CNTNAP2: variants seen among roughly 807,000 people sequenced by gnomAD.
CNTNAP2 encodes the protein contactin-associated protein-like 2.
In CNTNAP2, 98 loss-of-function variants were observed where a neutral mutation model predicts 155.2. The observed-to-expected ratio is 0.63, with a 90% CI of 0.54 to 0.75. The LOEUF (loss-of-function observed/expected upper bound fraction) is 0.75. CNTNAP2 is among the 30% of genes least tolerant of loss of function. CNTNAP2 has a pLI of 0.00. For synonymous variants in CNTNAP2, 651 were observed against 631.2 expected (o/e 1.03, Z -0.47); for missense variants, 1,727 against 1,688.1 (o/e 1.02, Z -0.40).
At chr7:147,623,819 C>T (rs1205018593) in intron 12 of CNTNAP2, among the ~76,000 whole-genome samples, 5 of 151,794 alleles carry the variant, frequency 3.3e-5, no homozygotes, top group Admixed American at 2.0e-4. Context: ...CTATCCTGAA[C>T]AAAAAGAACA....
At chr7:148,157,612 G>A (rs1805425483) in intron 17 of CNTNAP2, among the ~76,000 whole-genome samples, 1 of 145,002 alleles carries the variant, frequency 6.9e-6, no homozygotes, top group African/African-American at 2.6e-5. Flanking sequence ...AGCATATTAT[G>A]GAAGACAGCA....
At chr7:147,401,027 G>T (rs1321619623) in intron 10 of CNTNAP2, among the ~76,000 whole-genome samples, 2 of 152,060 alleles carry the variant, frequency 1.3e-5, no homozygotes, top group African/African-American at 4.8e-5. Context: ...ATACTTTTTG[G>T]AGTGTATTAA....
intron 14 of CNTNAP2, among the ~76,000 whole-genome samples, chr7:147,951,570 T>A (rs1262966515): frequency 1.3e-5 from 2 of 152,198 alleles, no homozygotes; most frequent in Non-Finnish European, 2.9e-5. Flanking sequence ...TTTGGGAATA[T>A]AAGCAGCTGA....
At chr7:147,503,127 GC>G (rs1198728832) in intron 11 of CNTNAP2, among the ~76,000 whole-genome samples, 2 of 152,150 alleles carry the variant, frequency 1.3e-5, no homozygotes, top group African/African-American at 4.8e-5. Context: ...GTGCTGGCAA[GC>G]CCACGCTCCC....
At position 146,300,983 on chromosome 7, in the gene CNTNAP2, C is replaced by G. The variant is rs1031413255; in HGVS notation, c.97+184010C>G. 2.0e-5 allele frequency among the ~76,000 whole-genome samples: 3 copies of G among 152,246 alleles called. No homozygotes were observed. The East Asian group carries it at 5.8e-4, about 29-fold the overall frequency. On this transcript the variant is annotated intron_variant, in intron 1 of 23. Coordinates refer to ENST00000361727, the MANE Select transcript of CNTNAP2 (RefSeq NM_014141.6). The stretch of plus-strand genomic sequence containing the variant: ...GCTGAGGGTGGACTGTTCAACATAA[C>G]AGATGATTAGCTTTCACCTGAATTT...
chr7:147,823,283 A>G (rs1456141716), intron 13 of CNTNAP2, among the ~76,000 whole-genome samples: 1 of 152,178 alleles, frequency 6.6e-6, no homozygotes, highest in African/African-American at 2.4e-5. Flanking sequence ...GCTAAAAGCT[A>G]TTAGTGCCAA....
intron 1 of CNTNAP2, among the ~76,000 whole-genome samples, chr7:146,508,250 G>T (rs1797414445): frequency 6.6e-6 from 1 of 152,196 alleles, no homozygotes; most frequent in South Asian, 2.1e-4. Context: ...GGCAGGACCT[G>T]GGGCCAGTGA....
chr7:148,239,903 G>T (rs1341557142), intron 20 of CNTNAP2, among the ~76,000 whole-genome samples: 2 of 152,172 alleles, frequency 1.3e-5, no homozygotes, highest in African/African-American at 2.4e-5. Flanking sequence ...TGTTATCAAT[G>T]TACTTCTCTT....
At chr7:147,783,000 T>G (rs914873016) in intron 13 of CNTNAP2, among the ~76,000 whole-genome samples, 3 of 152,232 alleles carry the variant, frequency 2.0e-5, no homozygotes, top group Non-Finnish European at 4.4e-5. Flanking sequence ...AGTATCTTCT[T>G]ATCTCTAAAT....
chr7:147,774,070 C>G (rs1269592057), intron 13 of CNTNAP2, among the ~76,000 whole-genome samples: 1 of 151,672 alleles, frequency 6.6e-6, no homozygotes, highest in Non-Finnish European at 1.5e-5. Flanking sequence ...TTCCTTACTT[C>G]CTTTTGCCAT....
chr7:146,296,841 T>C (rs1800521856), intron 1 of CNTNAP2, among the ~76,000 whole-genome samples: 1 of 152,062 alleles, frequency 6.6e-6, no homozygotes, highest in South Asian at 2.1e-4. Context: ...AAATTATATA[T>C]ATGTATGAAG....
chr7:147,057,277 C>G (rs1321411023), intron 4 of CNTNAP2, among the ~76,000 whole-genome samples: 1 of 152,126 alleles, frequency 6.6e-6, no homozygotes, highest in East Asian at 1.9e-4. Context: ...AACAGCTGAG[C>G]CTAAAGCCTG....
At chr7:146,175,000 A>G (rs1382276821) in intron 1 of CNTNAP2, among the ~76,000 whole-genome samples, 1 of 152,214 alleles carries the variant, frequency 6.6e-6, no homozygotes, top group Non-Finnish European at 1.5e-5. Flanking sequence ...TACATGGAGC[A>G]CAAGTTTCAC....
In CNTNAP2 at chr7:146,247,742, G is replaced by A. The variant is rs1484117631; in HGVS notation, c.97+130769G>A. Among the ~76,000 whole-genome samples the A allele has an allele frequency of 3.3e-5, 5 of 152,100 alleles. No homozygotes were observed. In the East Asian group the frequency reaches 5.8e-4, roughly 18 times the overall value. On this transcript the variant is annotated intron_variant, in intron 1 of 23. Transcript: ENST00000361727. ...GTGGCATTGCAGAAGAAAATAAGAC[G>A]CTTAGATTTTAGGTCAGGTGAGAGG...
At chr7:148,262,451 G>A (rs1796579909) in intron 20 of CNTNAP2, among the ~76,000 whole-genome samples, 2 of 152,188 alleles carry the variant, frequency 1.3e-5, no homozygotes, top group Non-Finnish European at 2.9e-5. Context: ...TGCAAAGTCA[G>A]CGCAAACGGC....
chr7:147,583,748 T>C (rs1245211920), intron 12 of CNTNAP2, among the ~76,000 whole-genome samples: 1 of 152,108 alleles, frequency 6.6e-6, no homozygotes, highest in Non-Finnish European at 1.5e-5. Context: ...TTATAAAATA[T>C]GAACATTATG....
At chr7:146,723,630 T>C (rs911461558) in intron 1 of CNTNAP2, among the ~76,000 whole-genome samples, 2 of 152,196 alleles carry the variant, frequency 1.3e-5, no homozygotes, top group Non-Finnish European at 2.9e-5. Flanking sequence ...ATTAAGGTAA[T>C]TTAAAGAACA....
chr7:146,189,989 C>T (rs919682500), intron 1 of CNTNAP2, among the ~76,000 whole-genome samples: 6 of 152,118 alleles, frequency 3.9e-5, no homozygotes, highest in Admixed American at 2.0e-4. Flanking sequence ...GTAATTTTCT[C>T]ACATAAGTTT....
At chr7:147,283,878 A>C (rs1805112034) in intron 8 of CNTNAP2, among the ~76,000 whole-genome samples, 1 of 151,842 alleles carries the variant, frequency 6.6e-6, no homozygotes, top group Non-Finnish European at 1.5e-5. Context: ...TCCTGGTTTC[A>C]TCTTCCATAT....
Sources: gnomAD v4.1 joint callset for allele counts (sites outside exome capture counted in the v4.1 genomes callset) on GRCh38, gnomAD v4.1.1 for gene constraint, MANE v1.5 for transcripts, NCBI Gene and HGNC (gene_info 2026-07-23, HGNC 2026-07-21) for gene names.